Variants in SYT14 observed in about 807,000 individuals in gnomAD.
SYT14 encodes synaptotagmin-14.
In SYT14, 32 loss-of-function variants were observed where a neutral mutation model predicts 74.2. That is an observed-to-expected ratio of 0.43 (90% CI 0.33 to 0.58). The LOEUF (loss-of-function observed/expected upper bound fraction) is 0.58, where lower values mean the gene tolerates loss of function less well. SYT14 is among the 20% of genes least tolerant of loss of function. The pLI, the probability that SYT14 is intolerant of heterozygous loss-of-function variation, is 0.05. For synonymous variants in SYT14, 298 were observed against 337.7 expected, an observed-to-expected ratio of 0.88 and a Z score of 1.29; for missense variants, 791 against 981.8, an observed-to-expected ratio of 0.81 and a Z score of 2.60.
intron 2 of SYT14, among the ~76,000 whole-genome samples, chr1:210,009,983 T>C (rs227219): frequency 0.34 from 51,195 of 151,842 alleles, 9,704 homozygotes; most frequent in Non-Finnish European, 0.42. Flanking sequence ...TTCTTTCTTA[T>C]CCTCTAAATT....
At chr1:209,958,700 G>A (rs1273716138) in intron 2 of SYT14, among the ~76,000 whole-genome samples, 1 of 152,142 alleles carries the variant, frequency 6.6e-6, no homozygotes, top group Non-Finnish European at 1.5e-5. Flanking sequence ...ATGTAGCTAT[G>A]TTGCTAAACT....
intron 4 of SYT14, among the ~76,000 whole-genome samples, chr1:210,020,009 G>C (rs1251989918): frequency 6.6e-6 from 1 of 152,152 alleles, no homozygotes; most frequent in Admixed American, 6.5e-5. Context: ...TTCACAAGCA[G>C]TAAGTGTTAA....
At chr1:210,108,532 G>A (rs529077577) in intron 7 of SYT14, among the ~76,000 whole-genome samples, 66 of 152,140 alleles carry the variant, frequency 4.3e-4, no homozygotes, top group Admixed American at 3.7e-3. Context: ...TAGGAAGAAA[G>A]AGAGAACAGT....
chr1:210,093,524 C>T (rs1312944927), intron 5 of SYT14, among the ~76,000 whole-genome samples: 2 of 151,994 alleles, frequency 1.3e-5, no homozygotes, highest in African/African-American at 2.4e-5. Flanking sequence ...TCTCAATCAC[C>T]GAGGTAAATC....
intron 6 of SYT14, among the ~76,000 whole-genome samples, chr1:210,096,844 G>A (rs771899670): frequency 1.6e-4 from 24 of 152,282 alleles, no homozygotes; most frequent in South Asian, 2.1e-4. Context: ...CATTTGATCC[G>A]TCAGATTTTC....
chr1:210,142,004 T>C (rs997147235), intron 7 of SYT14, among the ~76,000 whole-genome samples: 1 of 152,244 alleles, frequency 6.6e-6, no homozygotes, highest in Non-Finnish European at 1.5e-5. Context: ...ACTGCCATGT[T>C]AAACACTTGC....
At chr1:210,167,814 G>C (rs2083471611) in exon 10 of SYT14, 1 of 152,106 alleles carries the variant, frequency 6.6e-6, no homozygotes, top group Non-Finnish European at 1.5e-5. Flanking sequence ...AGACTAGTAT[G>C]TGCCTTTTTA....
intron 4 of SYT14, among the ~76,000 whole-genome samples, chr1:210,017,939 A>G (rs2080219812): frequency 6.6e-6 from 1 of 152,218 alleles, no homozygotes; most frequent in African/African-American, 2.4e-5. Context: ...TAAAATAACA[A>G]AAAGCAGAAT....
At chr1:209,942,111 T>C (rs991726242) in intron 1 of SYT14, among the ~76,000 whole-genome samples, 1 of 152,144 alleles carries the variant, frequency 6.6e-6, no homozygotes, top group Non-Finnish European at 1.5e-5. Flanking sequence ...GGGGGGCCAA[T>C]TGTATTTTGT....
intron 5 of SYT14, among the ~76,000 whole-genome samples, chr1:210,039,519 C>T (rs1197708731): frequency 2.6e-5 from 4 of 152,068 alleles, no homozygotes; most frequent in Non-Finnish European, 4.4e-5. Context: ...GCAACAGAAG[C>T]CAAAATTGAC....
intron 5 of SYT14, among the ~76,000 whole-genome samples, chr1:210,057,351 A>AC (rs1469307704): frequency 6.6e-6 from 1 of 152,128 alleles, no homozygotes; most frequent in East Asian, 1.9e-4. Context: ...GAAACATTGA[A>AC]CCCTCTTTCA....
chr1:210,031,743 G>A (rs1182310650), intron 5 of SYT14, among the ~76,000 whole-genome samples: 1 of 152,076 alleles, frequency 6.6e-6, no homozygotes, highest in African/African-American at 2.4e-5. Context: ...GTGGCCAGTT[G>A]TGGTGGAGAT....
chr1:210,154,799 T>C (rs2083235989), intron 7 of SYT14, among the ~76,000 whole-genome samples: 1 of 152,240 alleles, frequency 6.6e-6, no homozygotes, highest in Non-Finnish European at 1.5e-5. Flanking sequence ...TTTCATCATT[T>C]GAAATTATTA....
chr1:209,957,668 C>G (rs541117058), intron 2 of SYT14, among the ~76,000 whole-genome samples: 1 of 152,072 alleles, frequency 6.6e-6, no homozygotes, highest in African/African-American at 2.4e-5. Context: ...TTCAGGTGAT[C>G]TACCCACTTC....
At chr1:209,982,146 T>C (rs2079498800) in intron 2 of SYT14, among the ~76,000 whole-genome samples, 1 of 152,022 alleles carries the variant, frequency 6.6e-6, no homozygotes, top group South Asian at 2.1e-4. Context: ...CAAAGACTTG[T>C]TTATTAATTA....
intron 5 of SYT14, among the ~76,000 whole-genome samples, chr1:210,064,879 C>G (rs1572238048): frequency 6.6e-6 from 1 of 152,162 alleles, no homozygotes; most frequent in Admixed American, 6.6e-5. Context: ...TACACTCCAC[C>G]AGCAATGCAT....
chr1:210,054,433 A>G (rs1572221004), intron 5 of SYT14, among the ~76,000 whole-genome samples: 1 of 152,222 alleles, frequency 6.6e-6, no homozygotes, highest in East Asian at 1.9e-4. Flanking sequence ...TATGATTGTA[A>G]TATCTTTTCA....
rs181001300 is a variant in SYT14 at position 210,007,403 on chromosome 1, A to G, written c.-485-6230A>G. Among the ~76,000 whole-genome samples, 218 of 152,104 alleles carry G rather than the reference A, an allele frequency of 1.4e-3. 2 individuals carry two copies. The highest frequency in any genetic ancestry group is 5.1e-3 in the African/African-American group (211 of 41,554). ...ACTAATGAATATCAAGCTATTTTCT[A>G]TAGAGTATCTTTAGTTTTTAAATTC... On this transcript the variant is annotated intron_variant, in intron 2 of 9. Coordinates refer to ENST00000637265, the Ensembl canonical transcript of SYT14.
At chr1:210,121,140 G>T (rs1021356201) in intron 7 of SYT14, among the ~76,000 whole-genome samples, 1 of 152,108 alleles carries the variant, frequency 6.6e-6, no homozygotes, top group Non-Finnish European at 1.5e-5. Flanking sequence ...AGATAGTAAC[G>T]ATAATAGCTA....
Sources: allele counts gnomAD v4.1 joint callset (sites outside exome capture counted in the v4.1 genomes callset), GRCh38; gene constraint gnomAD v4.1.1; transcripts MANE v1.5; gene names NCBI Gene and HGNC (gene_info 2026-07-23, HGNC 2026-07-21).